CYRIB: variants seen among roughly 807,000 people sequenced by gnomAD.
CYRIB encodes the protein CYFIP-related Rac1 interactor B.
A neutral mutation model predicts 44.2 loss-of-function variants in CYRIB; 8 were observed. The ratio of observed to expected loss-of-function variants is 0.18; its 90% CI spans 0.11 to 0.33. The LOEUF (loss-of-function observed/expected upper bound fraction) is 0.33. CYRIB is among the 10% of genes least tolerant of loss of function. CYRIB has a pLI of 1.00. For synonymous variants in CYRIB, 131 were observed against 127.2 expected, an observed-to-expected ratio of 1.03 and a Z score of -0.20; for missense variants, 185 against 382.8, an observed-to-expected ratio of 0.48 and a Z score of 4.31.
At chr8:129,988,027 C>CA (rs1224005968) in intron 1 of CYRIB, among the ~76,000 whole-genome samples, 1 of 152,220 alleles carries the variant, frequency 6.6e-6, no homozygotes, top group Non-Finnish European at 1.5e-5. Flanking sequence ...AGCACGCCAA[C>CA]AGACAACACG....
intron 6 of CYRIB, among the ~76,000 whole-genome samples, chr8:129,854,960 G>A (rs1243986444): frequency 1.3e-5 from 2 of 151,342 alleles, no homozygotes; most frequent in African/African-American, 2.4e-5. Flanking sequence ...AATGACAGAG[G>A]AAAAAAGAAA....
chr8:129,904,254 T>C (rs888541361), intron 1 of CYRIB, among the ~76,000 whole-genome samples: 4 of 152,296 alleles, frequency 2.6e-5, no homozygotes, highest in South Asian at 2.1e-4. Flanking sequence ...TGTGGTTCAC[T>C]TTCTGCTCTG....
intron 3 of CYRIB, among the ~76,000 whole-genome samples, chr8:129,874,312 G>A (rs1419296838): frequency 3.3e-5 from 5 of 151,958 alleles, no homozygotes. Context: ...TCTTATTGAA[G>A]GTAAATTAAA....
In CYRIB at chr8:129,908,551, A is replaced by C. The variant is rs912842529; in HGVS notation, c.-49-5201T>G. The stretch of plus-strand genomic sequence containing the variant: ...TTTGTAAAAGAGCAAAAATAAACTC[A>C]AAGTGTGTAGATTAATGGAAATGCT... On this transcript the variant is annotated intron_variant, in intron 1 of 11. Coordinates refer to ENST00000519824, the Ensembl canonical transcript of CYRIB. 2.6e-5 allele frequency among the ~76,000 whole-genome samples: 4 copies of C among 152,192 alleles called. No homozygotes were observed. The East Asian group carries it at 7.7e-4, about 29-fold the overall frequency.
chr8:129,929,383 G>A (rs1412392514), intron 1 of CYRIB, among the ~76,000 whole-genome samples: 1 of 152,060 alleles, frequency 6.6e-6, no homozygotes, highest in Non-Finnish European at 1.5e-5. Flanking sequence ...TATGGAAGAT[G>A]AATACGATTT....
chr8:129,947,010 C>T (rs187227292), intron 2 of CYRIB, among the ~76,000 whole-genome samples: 3 of 152,198 alleles, frequency 2.0e-5, no homozygotes, highest in Non-Finnish European at 4.4e-5. Context: ...TAGCATGTCA[C>T]TGGTGTTTTT....
At position 129,950,089 on chromosome 8, in the gene CYRIB, A is replaced by G. The variant is rs1373165269; in HGVS notation, c.-243+20854T>C. 2.6e-5 allele frequency among the ~76,000 whole-genome samples: 4 copies of G among 152,318 alleles called. No homozygotes were observed. The East Asian group carries it at 7.7e-4, about 29-fold the overall frequency. On this transcript the variant is annotated intron_variant, in intron 2 of 14. Transcript: ENST00000401979. ...GTTTGGTAAACTCTTAAATAAATGT[A>G]TGTACCTGATTATCTTGGCTTTTGA...
chr8:129,874,741 T>C (rs1220489330), intron 3 of CYRIB, among the ~76,000 whole-genome samples: 2 of 152,010 alleles, frequency 1.3e-5, no homozygotes, highest in African/African-American at 2.4e-5. Context: ...TTTTGAAAAA[T>C]AAATATAAGA....
chr8:129,840,610 A>G (rs2035873465), exon 12 of CYRIB: 1 of 152,298 alleles, frequency 6.6e-6, no homozygotes, highest in Non-Finnish European at 1.5e-5. Flanking sequence ...AGGAGGTAAT[A>G]GAAGCTAACC....
chr8:130,005,748 C>G (rs1456914557), intron 1 of CYRIB, among the ~76,000 whole-genome samples: 2 of 151,014 alleles, frequency 1.3e-5, no homozygotes, highest in Non-Finnish European at 2.9e-5. Context: ...GAGGCTGAGG[C>G]AGGAGGATCA....
chr8:129,854,241 C>T, intron 7 of CYRIB, 25 bp downstream of exon 9: 1 of 1,519,758 alleles, frequency 6.6e-7, no homozygotes, highest in South Asian at 1.1e-5. Flanking sequence ...TCTTACCATC[C>T]CCCTAATTCA....
intron 1 of CYRIB, among the ~76,000 whole-genome samples, chr8:129,924,033 G>A (rs1332681326): frequency 6.7e-6 from 1 of 148,744 alleles, no homozygotes; most frequent in Non-Finnish European, 1.5e-5. Flanking sequence ...CACTTTGCAA[G>A]GCTGAGGCAG....
chr8:129,987,556 C>CTTTTTTTTTTTTTTTTTTT (rs35721101), intron 1 of CYRIB, among the ~76,000 whole-genome samples: 1 of 140,808 alleles, frequency 7.1e-6, no homozygotes. Context: ...TTTTTCTTGT[C>CTTTTTTTTTTTTTTTTTTT]TTTTTTTTTT....
At chr8:130,001,184 G>A (rs1371333835) in intron 1 of CYRIB, among the ~76,000 whole-genome samples, 1 of 152,112 alleles carries the variant, frequency 6.6e-6, no homozygotes, top group Non-Finnish European at 1.5e-5. Context: ...CTCCGTATGG[G>A]CTTCTCAGAG....
At chr8:129,947,048 A>G (rs985619126) in intron 2 of CYRIB, among the ~76,000 whole-genome samples, 27 of 146,052 alleles carry the variant, frequency 1.8e-4, no homozygotes, top group Non-Finnish European at 6.0e-5. Flanking sequence ...ACAAACTCTA[A>G]TTCTTTTATT....
chr8:129,976,635 C>T (rs931174718), intron 1 of CYRIB, among the ~76,000 whole-genome samples: 1 of 152,114 alleles, frequency 6.6e-6, no homozygotes, highest in African/African-American at 2.4e-5. Flanking sequence ...GCTAATACTG[C>T]AATTAGTTAT....
chr8:129,946,326 T>C (rs183220405), intron 2 of CYRIB, among the ~76,000 whole-genome samples: 76 of 152,346 alleles, frequency 5.0e-4, no homozygotes, highest in African/African-American at 1.8e-3. Context: ...CTGTATCCAG[T>C]CTCGCTCCTC....
chr8:129,855,552 T>C (rs1488951239), intron 6 of CYRIB, 59 bp downstream of exon 8: 2 of 1,551,732 alleles, frequency 1.3e-6, no homozygotes, highest in South Asian at 2.2e-5. Flanking sequence ...CTCTTCCTCC[T>C]AGTACTCATT....
intron 5 of CYRIB, among the ~76,000 whole-genome samples, chr8:129,861,250 C>CT (rs2049323112): frequency 6.6e-6 from 1 of 152,248 alleles, no homozygotes; most frequent in Non-Finnish European, 1.5e-5. Context: ...AAAGAGCTAA[C>CT]TGGCTAAATC....
Sources: gnomAD v4.1 joint callset for allele counts (sites outside exome capture counted in the v4.1 genomes callset) on GRCh38, gnomAD v4.1.1 for gene constraint, MANE v1.5 for transcripts, NCBI Gene and HGNC (gene_info 2026-07-23, HGNC 2026-07-21) for gene names.